CCDC159: variants seen among roughly 807,000 people sequenced by gnomAD.
CCDC159 encodes coiled-coil domain-containing protein 159.
A neutral mutation model predicts 50.9 loss-of-function variants in CCDC159; 40 were observed. That is an observed-to-expected ratio of 0.79 (90% CI 0.61 to 1.02). The LOEUF is 1.02. Ranked by LOEUF, CCDC159 falls within the 50% of genes least tolerant of loss-of-function variation. The probability of loss-of-function intolerance (pLI) is 0.00; values close to 1 mark genes in which losing one functional copy is unlikely to be tolerated. For missense variants in CCDC159, 356 were observed against 371.5 expected (o/e 0.96, Z 0.34); for synonymous variants, 146 against 138.9 (o/e 1.05, Z -0.36).
In CCDC159 at chr19:11,352,322, A is replaced by G. The variant is rs917987742; in HGVS notation, c.567+189A>G. 1.3e-5 allele frequency: 8 copies of G among 629,894 alleles called. No individual in the cohort carries two copies. In the Admixed American group the frequency reaches 2.2e-4, roughly 18 times the overall value. The allele number at this position is 629,894 out of a possible 1,614,324, so 39.0% of individuals were successfully genotyped here. On this transcript the variant is annotated intron_variant, in intron 7 of 10. Transcript: ENST00000458408. ...CCTCATCTGTATAATGGATGTAATA[A>G]TAACTCATCTTGGCTGGGCGCGGTG...
rs1221487288 is a variant in CCDC159 at position 11,350,043 on chromosome 19, CT to C, written c.144+18del. On this transcript the variant is annotated intron_variant, in intron 3 of 10. Transcript: ENST00000458408. ...CAGACCAAGGTGAACCACCTTGGCC[CT>C]GCCCCCAGCAACCTCTGTTTCTCCT... is the stretch of plus-strand genomic sequence containing the variant. The C allele has an allele frequency of 1.2e-6, 2 of 1,612,608 alleles. No homozygotes were observed. Among genetic ancestry groups the C allele is most frequent in the African/African-American group, 1.3e-5 (1 of 74,986 alleles).
At chr19:11,349,382 G>A (rs1967446022) in intron 1 of CCDC159, 1 of 525,168 alleles carries the variant, frequency 1.9e-6, no homozygotes, top group African/African-American at 1.9e-5. Context: ...AATGGATGAA[G>A]GAATGAATGG....
At chr19:11,349,148 T>C in intron 1 of CCDC159, 1 of 1,351,870 alleles carries the variant, frequency 7.4e-7, no homozygotes, top group Non-Finnish European at 9.8e-7. Context: ...GCAGAAGCAG[T>C]GCTGTAATGA....
At chr19:11,350,746 A>AT (rs1243173807) in intron 4 of CCDC159, 62 bp from the exon 5 acceptor site, 1 of 1,463,384 alleles carries the variant, frequency 6.8e-7, no homozygotes, top group African/African-American at 1.4e-5. Flanking sequence ...CTGGGTCAAG[A>AT]TTAGGACAAG....
intron 4 of CCDC159, 109 bp downstream of exon 4, chr19:11,350,308 G>T: frequency 8.3e-6 from 5 of 602,374 alleles, no homozygotes; most frequent in Admixed American, 2.5e-5. Context: ...GAGGTCAGGA[G>T]TTTGAGACCA....
rs780341515 is a variant in CCDC159, at chr19:11,350,961, C to A, written c.380C>A (p.Thr127Asn). 2 of 1,553,642 alleles carry A rather than the reference C, an allele frequency of 1.3e-6. No homozygotes were observed. The highest frequency in any genetic ancestry group is 1.4e-5 in the African/African-American group (1 of 73,298). Residue 127 changes from threonine (T) to asparagine (N), a missense_variant, in exon 5 of 11, where the codon ACC (threonine) becomes AAC (asparagine). By Grantham distance (65) the Thr-to-Asn change is moderately conservative. Coordinates refer to ENST00000458408, the MANE Select transcript of CCDC159 (RefSeq NM_001080503.3). ...AGTGAGGAGATGCAGCGGGCCCGCA[C>A]CACTCGCTGCCTGCAGCTGCTGGCC... The part of the protein sequence containing the change: ...RDSEEMQRAR[T>N]TRCLQLLAQE...
chr19:11,353,161 C>T (rs780542851), intron 7 of CCDC159, among the ~76,000 whole-genome samples: 16 of 151,950 alleles, frequency 1.1e-4, no homozygotes, highest in Non-Finnish European at 1.9e-4. Flanking sequence ...AGTGCAATGG[C>T]GCGATCTCAA....
intron 4 of CCDC159, among the ~76,000 whole-genome samples, chr19:11,350,537 C>T (rs1967513104): frequency 6.6e-6 from 1 of 152,106 alleles, no homozygotes; most frequent in Admixed American, 6.6e-5. Context: ...CCTGTAGTCC[C>T]AGCCACTCAG....
Position 11,353,837 on chromosome 19 carries a change from G to C in CCDC159, c.735G>C (p.Leu245Phe), listed in dbSNP as rs959570844. 6.3e-7 allele frequency: 1 copy of C among 1,594,468 alleles called. No homozygotes were observed. Among genetic ancestry groups the C allele is most frequent in the Admixed American group, 1.8e-5 (1 of 56,878 alleles). ...AGAACTCCATAGACAGCCTCACTTT[G>C]TGCTCGGGGGCCTGTCCCAAGGCCT... ...VLQNSIDSLT[L>F]CSGACPKASS... Residue 245 changes from leucine to phenylalanine, a missense_variant, in exon 9 of 11, where the codon TTG (leucine) becomes TTC (phenylalanine). Leu to Phe is a conservative substitution (Grantham distance 22). Coordinates refer to ENST00000458408, the MANE Select transcript of CCDC159 (RefSeq NM_001080503.3).
chr19:11,354,453 C>T (rs7251786), intron 9 of CCDC159, 127 bp from the exon 10 acceptor site: 383,759 of 877,760 alleles, frequency 0.44, 85,765 homozygotes, highest in Non-Finnish European at 0.46. Context: ...TGGTGTCACA[C>T]TGGATCACAT....
rs186029112 is a variant in CCDC159 at position 11,352,343 on chromosome 19, C to T, written c.567+210C>T. ...AATAATAACTCATCTTGGCTGGGCGCGGTGGCTCACGCCTGTAATCCCAGC... is the reference window on the plus strand; with the variant it reads ...AATAATAACTCATCTTGGCTGGGCGTGGTGGCTCACGCCTGTAATCCCAGC... On this transcript the variant is annotated intron_variant, in intron 7 of 10. Coordinates refer to ENST00000458408, the MANE Select transcript of CCDC159 (RefSeq NM_001080503.3). 8.0e-3 allele frequency: 4,552 copies of T among 571,784 alleles called. 25 individuals carry two copies. Among genetic ancestry groups the T allele is most frequent in the Non-Finnish European group, 0.011 (3,532 of 321,122 alleles). 35.4% of individuals were successfully genotyped at this position (571,784 alleles called of 1,614,324 possible). A position where few individuals can be genotyped will look rare whatever the true frequency, so the allele number is the denominator to read the frequency against.
intron 4 of CCDC159, 53 bp downstream of exon 4, chr19:11,350,252 G>A (rs377225015): frequency 2.9e-5 from 43 of 1,497,608 alleles, no homozygotes; most frequent in African/African-American, 2.7e-4. Flanking sequence ...GGTGGCTCAC[G>A]CCTGTAATCC....
chr19:11,354,838 C>G, intron 10 of CCDC159, 35 bp from the exon 11 acceptor site: 1 of 1,613,020 alleles, frequency 6.2e-7, no homozygotes, highest in East Asian at 2.2e-5. Flanking sequence ...TCCCCTGGAC[C>G]TGGCCAGGCC....
At chr19:11,351,279 A>C in intron 5 of CCDC159, 1 of 363,058 alleles carries the variant, frequency 2.8e-6, no homozygotes, top group African/African-American at 2.1e-5. Flanking sequence ...TCTACTAAAA[A>C]TACAAGAATT....
chr19:11,353,325 C>A, intron 7 of CCDC159, 126 bp from the exon 8 acceptor site: 1 of 966,168 alleles, frequency 1.0e-6, no homozygotes, highest in East Asian at 3.3e-5. Flanking sequence ...TGGTCTCAAT[C>A]TCCTGACCTC....
At chr19:11,349,881 C>T in intron 2 of CCDC159, 57 bp from the exon 3 acceptor site, 1 of 1,529,894 alleles carries the variant, frequency 6.5e-7, no homozygotes, top group East Asian at 2.3e-5. Flanking sequence ...CTCTGCCCTG[C>T]CCTTGCCCCA....
chr19:11,347,408 G>A (rs1007461649), intron 1 of CCDC159, among the ~76,000 whole-genome samples: 18 of 152,198 alleles, frequency 1.2e-4, no homozygotes, highest in Non-Finnish European at 2.1e-4. Flanking sequence ...TCGGCTCACT[G>A]CAACCTCCGC....
intron 1 of CCDC159, 49 bp from the exon 2 acceptor site, chr19:11,349,605 A>C: frequency 6.2e-7 from 1 of 1,607,276 alleles, no homozygotes; most frequent in South Asian, 1.1e-5. Flanking sequence ...GTGAGCAAGG[A>C]GGCAGCTCAG....
rs758814173 is a variant in CCDC159, at chr19:11,349,960, C to T, written c.78C>T (p.Pro26=). 2.2e-5 allele frequency: 35 copies of T among 1,613,686 alleles called. No individual in the cohort carries two copies. The highest frequency in any genetic ancestry group is 1.6e-4 in the Middle Eastern group (1 of 6,084). The change falls in exon 3 of 11, where the codon CCC becomes CCT. Residue 26 remains proline, a synonymous_variant. Coordinates refer to ENST00000458408, the MANE Select transcript of CCDC159 (RefSeq NM_001080503.3). The stretch of plus-strand genomic sequence containing the variant: ...CAGCCAAGACCATTGTGATGATTCC[C>T]GACTCCCAGAAGCTCCTGCGATGTG... ...KVKAKTIVMI[P]DSQKLLRCEL...
Sources: gnomAD v4.1 joint callset for allele counts (sites outside exome capture counted in the v4.1 genomes callset) on GRCh38, gnomAD v4.1.1 for gene constraint, MANE v1.5 for transcripts, NCBI Gene and HGNC (gene_info 2026-07-23, HGNC 2026-07-21) for gene names.